Variants in CATSPERE observed in about 807,000 individuals in gnomAD.
The protein encoded by CATSPERE is catsper channel auxiliary subunit epsilon.
CATSPERE carries 93 observed loss-of-function variants against 114.1 expected under a neutral mutation model. That is an observed-to-expected ratio of 0.81 (90% CI 0.69 to 0.97). The LOEUF (loss-of-function observed/expected upper bound fraction) is 0.97, where lower values mean the gene tolerates loss of function less well. Ranked by LOEUF, CATSPERE falls within the 50% of genes least tolerant of loss-of-function variation. CATSPERE has a pLI of 0.00. For missense variants in CATSPERE, 1,058 were observed against 1,131.6 expected (o/e 0.93, Z 0.93); for synonymous variants, 341 against 384.1 (o/e 0.89, Z 1.31).
intron 10 of CATSPERE, among the ~76,000 whole-genome samples, chr1:244,571,584 A>C (rs1270668866): frequency 4.0e-5 from 6 of 151,630 alleles, no homozygotes; most frequent in Non-Finnish European, 8.8e-5. Flanking sequence ...GCTTTATACC[A>C]CTCTCACCCC....
At chr1:244,580,898 G>A (rs1047689114) in intron 11 of CATSPERE, among the ~76,000 whole-genome samples, 3 of 152,120 alleles carry the variant, frequency 2.0e-5, no homozygotes, top group African/African-American at 7.2e-5. Flanking sequence ...CTACTCGGGA[G>A]GCTGAGACAG....
At chr1:244,574,834 CTAAT>C (rs1428102818) in intron 11 of CATSPERE, among the ~76,000 whole-genome samples, 2 of 152,152 alleles carry the variant, frequency 1.3e-5, no homozygotes, top group African/African-American at 2.4e-5. Flanking sequence ...TTCAGGAGGC[CTAAT>C]TACTTTTAAA....
At chr1:244,591,772 C>A in intron 15 of CATSPERE, 41 bp downstream of exon 15, 2 of 1,180,308 alleles carry the variant, frequency 1.7e-6, no homozygotes, top group Non-Finnish European at 2.5e-6. Flanking sequence ...TTTATATTAA[C>A]GTAGTACCAA....
In CATSPERE at chr1:244,461,415, G is replaced by A; in HGVS notation, c.-15G>A. The A allele has an allele frequency of 7.3e-7, 1 of 1,361,296 alleles. No homozygotes were observed. Among genetic ancestry groups the A allele is most frequent in the Non-Finnish European group, 9.5e-7 (1 of 1,047,352 alleles). The allele number at this position is 1,361,296 out of a possible 1,614,324, so 84.3% of individuals were successfully genotyped here. ...GGAGTGGCCGAGGCGGTTGGGCGGA[G>A]GCGGAGCAGGCGCCATGTCAGCCCG... On this transcript the variant is annotated 5_prime_UTR_variant, in exon 1 of 22. Coordinates refer to ENST00000366534, the MANE Select transcript of CATSPERE (RefSeq NM_001130957.2).
chr1:244,576,051 C>A (rs1327971451), intron 11 of CATSPERE, among the ~76,000 whole-genome samples: 2 of 152,058 alleles, frequency 1.3e-5, no homozygotes, highest in Non-Finnish European at 2.9e-5. Flanking sequence ...GGCTTTCTTT[C>A]CTTAGTCCTG....
rs531561581 is a variant in CATSPERE, at chr1:244,557,997, C to A, written c.1030-2671C>A. 9.1e-4 allele frequency among the ~76,000 whole-genome samples: 138 copies of A among 152,178 alleles called. 2 individuals carry two copies. Among genetic ancestry groups the A allele is most frequent in the Middle Eastern group, 3.4e-3 (1 of 294 alleles). On this transcript the variant is annotated intron_variant, in intron 9 of 21. Transcript: ENST00000366534. ...ACAGGGTCTCACTCTGCCACCCAGG[C>A]TGGAGTGCAATGCCACAATCAAAAC...
At chr1:244,558,193 G>A (rs1661985257) in intron 9 of CATSPERE, among the ~76,000 whole-genome samples, 1 of 129,734 alleles carries the variant, frequency 7.7e-6, no homozygotes, top group African/African-American at 2.9e-5. Context: ...CAGGCTGGAA[G>A]TGCAGTGGCG....
chr1:244,625,406 T>TAATATATATATATATATATATA lies in CATSPERE; in HGVS notation c.2648+7720_2648+7721insAATATATATATATATATATATA, dbSNP rs74162779. ...TTATTTTTATTATTATTATTATTAT[T>TAATATATATATATATATATATA]TATATATATATATATATATATATAT... On this transcript the variant is annotated intron_variant, in intron 20 of 21. Coordinates refer to ENST00000366534, the MANE Select transcript of CATSPERE (RefSeq NM_001130957.2). Among the ~76,000 whole-genome samples the TAATATATATATATATATATATA allele has an allele frequency of 2.3e-4, 3 of 12,870 alleles. 1 individual carries two copies. Among genetic ancestry groups the TAATATATATATATATATATATA allele is most frequent in the African/African-American group, 9.1e-4 (3 of 3,288 alleles). 8.4% of individuals were successfully genotyped at this position (12,870 alleles called of 152,430 possible).
At chr1:244,514,019 A>C (rs1676179508) in intron 7 of CATSPERE, among the ~76,000 whole-genome samples, 2 of 152,086 alleles carry the variant, frequency 1.3e-5, no homozygotes, top group Non-Finnish European at 2.9e-5. Flanking sequence ...ATGTGATTTG[A>C]AACTATTTTC....
At chr1:244,454,472 A>G (rs1285583032) in exon 1 of CATSPERE, 1 of 152,020 alleles carries the variant, frequency 6.6e-6, no homozygotes, top group African/African-American at 2.4e-5. Context: ...TTTCCATAAA[A>G]CAGTAAAGGG....
intron 17 of CATSPERE, among the ~76,000 whole-genome samples, chr1:244,604,474 G>C (rs1033563441): frequency 3.3e-5 from 5 of 152,264 alleles, no homozygotes; most frequent in Non-Finnish European, 5.9e-5. Context: ...ATACAAATGT[G>C]AGGTGAAGCA....
At chr1:244,451,959 C>T (rs1252695382), upstream of CATSPERE, 2 of 867,068 alleles carry the variant, frequency 2.3e-6, no homozygotes, top group South Asian at 2.0e-5. The surrounding 1 kb of genome is among the most constrained non-coding windows in gnomAD (Gnocchi z 6.6). Flanking sequence ...GGGCCGCCAC[C>T]CTCCAGCCAG....
At position 244,560,848 on chromosome 1, in the gene CATSPERE, G is replaced by T. The variant is rs373204961; in HGVS notation, c.1210G>T (p.Ala404Ser). Residue 404 changes from alanine (A) to serine (S), a missense_variant, in exon 10 of 22, where the codon GCT becomes TCT. Ala to Ser is a moderately conservative substitution (Grantham distance 99). Coordinates refer to ENST00000366534, the MANE Select transcript of CATSPERE (RefSeq NM_001130957.2). ...GTATACAGGACACCCTCTGGAGATT[G>T]CTGTGTTTTTAAATTATTGCACTGT... ...VEYTGHPLEI[A>S]VFLNYCTVCN... 15 of 1,614,036 alleles carry T rather than the reference G, an allele frequency of 9.3e-6. No individual in the cohort carries two copies. The African/African-American group carries it at 9.3e-5, about 10-fold the overall frequency.
intron 1 of CATSPERE, among the ~76,000 whole-genome samples, chr1:244,463,533 C>CAA (rs569666958): frequency 2.2e-5 from 3 of 133,628 alleles, no homozygotes; most frequent in African/African-American, 8.3e-5. Flanking sequence ...GTCTCAAAAA[C>CAA]AAAAAAAAAA....
intron 5 of CATSPERE, among the ~76,000 whole-genome samples, chr1:244,488,672 A>G (rs1028749223): frequency 6.6e-6 from 1 of 152,166 alleles, no homozygotes; most frequent in Non-Finnish European, 1.5e-5. Flanking sequence ...TTTTCCTTCC[A>G]GATACGCTGG....
chr1:244,520,032 T>C (rs1172863133), intron 8 of CATSPERE, among the ~76,000 whole-genome samples: 1 of 152,182 alleles, frequency 6.6e-6, no homozygotes. Flanking sequence ...ATATTCTAGA[T>C]ACAAGTCCTT....
intron 20 of CATSPERE, among the ~76,000 whole-genome samples, chr1:244,622,534 G>T (rs1428022005): frequency 6.6e-6 from 1 of 151,796 alleles, no homozygotes; most frequent in Admixed American, 6.6e-5. Context: ...CTCCCGTGTA[G>T]CTGGGATTAC....
In CATSPERE at chr1:244,639,915, T is replaced by G. The variant is rs1558639689; in HGVS notation, c.2703-13T>G. 1.2e-5 allele frequency: 19 copies of G among 1,527,102 alleles called. No individual in the cohort carries two copies. In the East Asian group the frequency reaches 2.0e-4, roughly 16 times the overall value. The allele number at this position is 1,527,102 out of a possible 1,614,324, so 94.6% of individuals were successfully genotyped here. A position where few individuals can be genotyped will look rare whatever the true frequency, so the allele number is the denominator to read the frequency against. ...TGACTTCTAATGCCTTTTTTTTTTT[T>G]TTCTGATTTCAGTCCAAGTGTCTAC... On this transcript the variant is annotated splice_polypyrimidine_tract_variant and intron_variant, in intron 21 of 21. Transcript: ENST00000366534.
At position 244,572,583 on chromosome 1, in the gene CATSPERE, ATT is replaced by A; in HGVS notation, c.1763_1764del (p.Phe588SerfsTer2). The A allele has an allele frequency of 6.2e-7, 1 of 1,614,150 alleles. No individual in the cohort carries two copies. Among genetic ancestry groups the A allele is most frequent in the South Asian group, 1.1e-5 (1 of 91,084 alleles). ...TTKDKCPYMA[F>X]HNNVAHVFYF... Reference sequence around the variant, plus strand: ...CAAAAGACAAATGCCCATACATGGCATTTCATAACAATGTTGCTCATGTTTTT... The same window carrying A: ...CAAAAGACAAATGCCCATACATGGCATCATAACAATGTTGCTCATGTTTTT... On this transcript the variant is annotated frameshift_variant, in exon 11 of 22. Transcript: ENST00000366534. LOFTEE classifies it high-confidence loss of function.
Sources: allele counts gnomAD v4.1 joint callset (sites outside exome capture counted in the v4.1 genomes callset), GRCh38; gene constraint gnomAD v4.1.1; non-coding constraint Gnocchi (gnomAD v3.1); transcripts MANE v1.5; gene names NCBI Gene and HGNC (gene_info 2026-07-23, HGNC 2026-07-21).